The following SOBP variants were observed in gnomAD, a reference collection of about 807,000 sequenced individuals.
The protein encoded by SOBP is sine oculis-binding protein homolog.
A neutral mutation model predicts 53.6 loss-of-function variants in SOBP; 4 were observed. That is an observed-to-expected ratio of 0.07 (90% CI 0.04 to 0.17). The LOEUF (loss-of-function observed/expected upper bound fraction) is 0.17. Ranked by LOEUF, SOBP falls within the 10% of genes least tolerant of loss-of-function variation. The pLI is 1.00. For missense variants in SOBP, 1,088 were observed against 1,204.7 expected, an observed-to-expected ratio of 0.90 and a Z score of 1.43; for synonymous variants, 584 against 522.6, an observed-to-expected ratio of 1.12 and a Z score of -1.60.
chr6:107,654,652 C>T (rs758497243), intron 6 of SOBP, among the ~76,000 whole-genome samples: 3 of 120,914 alleles, frequency 2.5e-5, no homozygotes, highest in African/African-American at 4.0e-5. Flanking sequence ...TACTGAAGCT[C>T]ACCCAGGCCC....
chr6:107,646,978 C>T (rs1771587473), intron 6 of SOBP, among the ~76,000 whole-genome samples: 1 of 152,132 alleles, frequency 6.6e-6, no homozygotes, highest in African/African-American at 2.4e-5. Flanking sequence ...AAGTGTGGCT[C>T]ATCACAGATG....
Position 107,633,499 on chromosome 6 carries a change from A to G in SOBP, c.670-15A>G, listed in dbSNP as rs531105604. On this transcript the variant is annotated splice_polypyrimidine_tract_variant and intron_variant, in intron 5 of 6. Coordinates refer to ENST00000317357, the MANE Select transcript of SOBP (RefSeq NM_018013.4). ...CTTGTCTTACCTGTTGTGGTTTTTTATTACTGTGTTGTAGGTATGTGACTG... is the reference window on the plus strand; with the variant it reads ...CTTGTCTTACCTGTTGTGGTTTTTTGTTACTGTGTTGTAGGTATGTGACTG... 1.3e-5 allele frequency: 21 copies of G among 1,614,178 alleles called. No homozygotes were observed. In the South Asian group the frequency reaches 2.2e-4, roughly 17 times the overall value.
intron 4 of SOBP, among the ~76,000 whole-genome samples, chr6:107,572,135 T>C (rs887819358): frequency 6.6e-6 from 1 of 152,138 alleles, no homozygotes; most frequent in Non-Finnish European, 1.5e-5. Context: ...TAAGAGATGA[T>C]GTTTCAGAAA....
intron 5 of SOBP, among the ~76,000 whole-genome samples, chr6:107,631,420 A>T (rs1286089965): frequency 6.6e-6 from 1 of 152,256 alleles, no homozygotes; most frequent in African/African-American, 2.4e-5. Context: ...TAAGTGCCAC[A>T]TCATTATACA....
At chr6:107,656,315 G>T (rs1772043540) in intron 6 of SOBP, among the ~76,000 whole-genome samples, 1 of 8,304 alleles carries the variant, frequency 1.2e-4, no homozygotes, top group Admixed American at 1.4e-3. Flanking sequence ...AAGAAAGAAA[G>T]AAAGAAAGAA....
chr6:107,631,900 GA>G (rs1352884293), intron 5 of SOBP, among the ~76,000 whole-genome samples: 4 of 152,028 alleles, frequency 2.6e-5, no homozygotes, highest in Non-Finnish European at 5.9e-5. Context: ...AATATCAGTG[GA>G]AAAAAAGCGA....
intron 3 of SOBP, among the ~76,000 whole-genome samples, chr6:107,527,682 A>G (rs776150291): frequency 6.6e-6 from 1 of 152,200 alleles, no homozygotes; most frequent in Admixed American, 6.5e-5. Flanking sequence ...AGAAGGGGCA[A>G]TATTAGTACT....
intron 6 of SOBP, among the ~76,000 whole-genome samples, chr6:107,651,616 G>A (rs538051812): frequency 6.6e-5 from 10 of 152,370 alleles, no homozygotes; most frequent in Admixed American, 2.6e-4. Context: ...GATCATTGAT[G>A]AAGGTGACTA....
At chr6:107,535,345 G>T (rs1320317394) in intron 4 of SOBP, among the ~76,000 whole-genome samples, 1 of 152,148 alleles carries the variant, frequency 6.6e-6, no homozygotes, top group Non-Finnish European at 1.5e-5. Flanking sequence ...TGGATAACTG[G>T]GAGCGAGGAT....
chr6:107,490,569 G>A lies in SOBP; in HGVS notation c.-48G>A, dbSNP rs774580058. 4.2e-6 allele frequency: 6 copies of A among 1,445,194 alleles called. No individual in the cohort carries two copies. The highest frequency in any genetic ancestry group is 3.9e-4 in the Middle Eastern group (2 of 5,154). 89.5% of individuals were successfully genotyped at this position (1,445,194 alleles called of 1,614,324 possible). On this transcript the variant is annotated 5_prime_UTR_variant, in exon 1 of 7. Coordinates refer to ENST00000317357, the MANE Select transcript of SOBP (RefSeq NM_018013.4). Reference sequence around the variant, plus strand: ...CGCCGCCGCCGCCACCACCACCGCCGGCGGCGGCAGCAGCCATTTCATCTC... The same window carrying A: ...CGCCGCCGCCGCCACCACCACCGCCAGCGGCGGCAGCAGCCATTTCATCTC...
intron 4 of SOBP, among the ~76,000 whole-genome samples, chr6:107,558,991 A>G (rs1784700019): frequency 6.6e-6 from 1 of 152,096 alleles, no homozygotes; most frequent in African/African-American, 2.4e-5. Flanking sequence ...CCCCATGAAG[A>G]CAGTGATTTT....
rs925795514 is a variant in SOBP at position 107,490,123 on chromosome 6, C to T, written c.-494C>T. 6.7e-6 allele frequency: 1 copy of T among 149,534 alleles called. No homozygotes were observed. The highest frequency in any genetic ancestry group is 1.5e-5 in the Non-Finnish European group (1 of 66,736). 9.3% of individuals were successfully genotyped at this position (149,534 alleles called of 1,614,324 possible). On this transcript the variant is annotated 5_prime_UTR_variant, in exon 1 of 7. Transcript: ENST00000317357. ...TGGGCGCCGGGGCTGGCGCGCTCTC[C>T]CGGGCTCACACACAGCCGCGCACGC...
chr6:107,618,057 G>T (rs1483051574), intron 5 of SOBP, among the ~76,000 whole-genome samples: 1 of 152,030 alleles, frequency 6.6e-6, no homozygotes, highest in African/African-American at 2.4e-5. Context: ...TTGAACTCCT[G>T]ACCTCAGGTG....
At chr6:107,578,208 T>G (rs1039589625) in intron 4 of SOBP, among the ~76,000 whole-genome samples, 1 of 152,156 alleles carries the variant, frequency 6.6e-6, no homozygotes, top group Non-Finnish European at 1.5e-5. Flanking sequence ...TTGGGCTCTT[T>G]GCAGACTGCC....
chr6:107,531,137 A>G (rs79483932), intron 3 of SOBP, among the ~76,000 whole-genome samples: 2,837 of 152,338 alleles, frequency 0.019, 44 homozygotes, highest in East Asian at 0.055. Flanking sequence ...ATAGCTGAAG[A>G]TCTAGGACTT....
At position 107,635,590 on chromosome 6, in the gene SOBP, C is replaced by A; in HGVS notation, c.*3+121C>A. 1 of 1,348,504 alleles carries A rather than the reference C, an allele frequency of 7.4e-7. No individual in the cohort carries two copies. Among genetic ancestry groups the A allele is most frequent in the Non-Finnish European group, 1.0e-6 (1 of 964,752 alleles). The allele number at this position is 1,348,504 out of a possible 1,614,324, so 83.5% of individuals were successfully genotyped here. ...TTTACCGTGTGTGTTTTATATTGCA[C>A]ACGGTGTGGTCACGCTATCAACATT... is the stretch of plus-strand genomic sequence containing the variant. On this transcript the variant is annotated intron_variant, in intron 6 of 6. Transcript: ENST00000317357. This position sits in a 1 kb window ranked among gnomAD's most constrained non-coding sequence, Gnocchi z 4.5.
intron 5 of SOBP, among the ~76,000 whole-genome samples, chr6:107,591,700 C>G (rs1785754570): frequency 6.6e-6 from 1 of 152,144 alleles, no homozygotes; most frequent in Non-Finnish European, 1.5e-5. Context: ...ACTATCCTAT[C>G]GAGTCTGGAT....
In SOBP at chr6:107,635,482, G is replaced by C. The variant is rs764842583; in HGVS notation, c.*3+13G>C. On this transcript the variant is annotated intron_variant, in intron 6 of 6. Coordinates refer to ENST00000317357, the MANE Select transcript of SOBP (RefSeq NM_018013.4). The surrounding 1 kb of genome is among the most constrained non-coding windows in gnomAD (Gnocchi z 4.5). Reference sequence around the variant, plus strand: ...GAATAAGTAAAAGGTTTGTATGTCCGCCGGGCGCTCCTCCACACCAGCCAG... The same window carrying C: ...GAATAAGTAAAAGGTTTGTATGTCCCCCGGGCGCTCCTCCACACCAGCCAG... The C allele has an allele frequency of 4.3e-6, 7 of 1,611,500 alleles. No homozygotes were observed. Among genetic ancestry groups the C allele is most frequent in the South Asian group, 2.2e-5 (2 of 90,938 alleles).
At chr6:107,492,994 G>A (rs1782614753) in intron 1 of SOBP, among the ~76,000 whole-genome samples, 1 of 152,098 alleles carries the variant, frequency 6.6e-6, no homozygotes, top group African/African-American at 2.4e-5. Flanking sequence ...TTAAAAAGTG[G>A]TTTCTCAAAG....
Sources: allele counts gnomAD v4.1 joint callset (sites outside exome capture counted in the v4.1 genomes callset), GRCh38; gene constraint gnomAD v4.1.1; non-coding constraint Gnocchi (gnomAD v3.1); transcripts MANE v1.5; gene names NCBI Gene and HGNC (gene_info 2026-07-23, HGNC 2026-07-21).